Variants in SDHAF3 observed in about 807,000 individuals in gnomAD.
SDHAF3 encodes succinate dehydrogenase assembly factor 3, mitochondrial.
A neutral mutation model predicts 11.5 loss-of-function variants in SDHAF3; 18 were observed. The observed-to-expected ratio is 1.56, with a 90% CI of 1.08 to 2.32. The LOEUF is 2.32. Ranked by LOEUF, SDHAF3 falls within the 30% of genes most tolerant of loss-of-function variation. SDHAF3 has a pLI of 0.00. For synonymous variants in SDHAF3, 72 were observed against 59.3 expected, an observed-to-expected ratio of 1.21 and a Z score of -0.99; for missense variants, 200 against 154.4, an observed-to-expected ratio of 1.30 and a Z score of -1.57.
chr7:97,129,691 T>G (rs1791636430), intron 1 of SDHAF3, among the ~76,000 whole-genome samples: 1 of 152,136 alleles, frequency 6.6e-6, no homozygotes, highest in South Asian at 2.1e-4. Flanking sequence ...GCCAGAAATC[T>G]CTGGCCGGCA....
At chr7:97,135,330 G>C (rs1352955881) in intron 1 of SDHAF3, 1 of 152,044 alleles carries the variant, frequency 6.6e-6, no homozygotes, top group Non-Finnish European at 1.5e-5. Flanking sequence ...TGGACATTAG[G>C]ATCCTTCTTC....
chr7:97,123,258 T>C (rs758087479), intron 1 of SDHAF3, among the ~76,000 whole-genome samples: 38 of 152,186 alleles, frequency 2.5e-4, no homozygotes, highest in Non-Finnish European at 4.0e-4. Flanking sequence ...TGGTTTTCTG[T>C]TCCTGTATTA....
chr7:97,170,099 T>TG (rs547620870), intron 1 of SDHAF3, among the ~76,000 whole-genome samples: 2 of 96,506 alleles, frequency 2.1e-5, no homozygotes, highest in Non-Finnish European at 5.4e-5. Context: ...GGCTAGTTCG[T>TG]TTTTTTTTTT....
At chr7:97,142,674 G>T (rs1206881106) in intron 1 of SDHAF3, 3 of 151,938 alleles carry the variant, frequency 2.0e-5, no homozygotes, top group Non-Finnish European at 2.9e-5. Flanking sequence ...TTATTATAGG[G>T]TTTTAAGTGC....
intron 1 of SDHAF3, among the ~76,000 whole-genome samples, chr7:97,132,062 C>G (rs73708865): frequency 0.012 from 1,814 of 152,150 alleles, 37 homozygotes; most frequent in African/African-American, 0.041. Flanking sequence ...TCTTGATTAT[C>G]TGTAAAAATC....
In SDHAF3 at chr7:97,159,900, T is replaced by C. The variant is rs146169261; in HGVS notation, c.175-21112T>C. ...TGTTGCTTTTTGGAGGGTTAGACCA[T>C]TGGTGTTCTCTACTCCGCCATATTT... On this transcript the variant is annotated intron_variant, in intron 1 of 1. Transcript: ENST00000432641. 3.0e-4 allele frequency among the ~76,000 whole-genome samples: 45 copies of C among 152,346 alleles called. No individual in the cohort carries two copies. In the East Asian group the frequency reaches 8.7e-3, roughly 29 times the overall value.
intron 1 of SDHAF3, among the ~76,000 whole-genome samples, chr7:97,172,320 G>A (rs776589838): frequency 1.3e-5 from 2 of 152,054 alleles, no homozygotes; most frequent in Non-Finnish European, 2.9e-5. Context: ...GTGACCAATC[G>A]TTATACCTCT....
chr7:97,123,369 C>A (rs1791529400), intron 1 of SDHAF3, among the ~76,000 whole-genome samples: 1 of 152,092 alleles, frequency 6.6e-6, no homozygotes, highest in African/African-American at 2.4e-5. Flanking sequence ...TGTATATGTT[C>A]CACATTTTCG....
chr7:97,168,028 T>G (rs1294375132), intron 1 of SDHAF3, among the ~76,000 whole-genome samples: 1 of 152,150 alleles, frequency 6.6e-6, no homozygotes, highest in Non-Finnish European at 1.5e-5. Context: ...CCACCAGGAA[T>G]TCATGCTTTG....
chr7:97,131,624 T>C (rs1791672510), intron 1 of SDHAF3, among the ~76,000 whole-genome samples: 1 of 152,186 alleles, frequency 6.6e-6, no homozygotes, highest in African/African-American at 2.4e-5. Context: ...GATTATATTA[T>C]GAGGTGAGTT....
At chr7:97,126,590 A>T (rs1015767336) in intron 1 of SDHAF3, among the ~76,000 whole-genome samples, 11 of 152,104 alleles carry the variant, frequency 7.2e-5, no homozygotes, top group African/African-American at 2.7e-4. Flanking sequence ...CCCAGTCCTT[A>T]GTACTGTCAG....
intron 1 of SDHAF3, among the ~76,000 whole-genome samples, chr7:97,148,662 TG>T (rs759094193): frequency 6.6e-6 from 1 of 152,240 alleles, no homozygotes; most frequent in Non-Finnish European, 1.5e-5. Flanking sequence ...CTACTATCAC[TG>T]ATATAAAGCT....
At chr7:97,145,868 A>G (rs1447799967) in intron 1 of SDHAF3, among the ~76,000 whole-genome samples, 3 of 152,176 alleles carry the variant, frequency 2.0e-5, no homozygotes, top group Non-Finnish European at 4.4e-5. Flanking sequence ...AAACCCCAAC[A>G]GAGAGAGAAT....
intron 1 of SDHAF3, among the ~76,000 whole-genome samples, chr7:97,150,224 T>C (rs1789196870): frequency 6.6e-6 from 1 of 152,218 alleles, no homozygotes; most frequent in African/African-American, 2.4e-5. Context: ...ATCAGCTTCT[T>C]CCAAACTCCT....
intron 1 of SDHAF3, among the ~76,000 whole-genome samples, chr7:97,142,040 G>GTTTTTTTTT (rs1474413744): frequency 8.0e-5 from 7 of 87,910 alleles, no homozygotes; most frequent in East Asian, 5.3e-4. Context: ...GTGAATTGTT[G>GTTTTTTTTT]TCTTTTTTTT....
At chr7:97,177,761 A>T (rs950398701) in intron 1 of SDHAF3, among the ~76,000 whole-genome samples, 4 of 152,180 alleles carry the variant, frequency 2.6e-5, no homozygotes, top group Non-Finnish European at 4.4e-5. Flanking sequence ...TTTGAGTTCT[A>T]GAATTTATTT....
Position 97,149,405 on chromosome 7 carries a change from C to A in SDHAF3, c.174+31508C>A, listed in dbSNP as rs543696811. Among the ~76,000 whole-genome samples, 5 of 152,022 alleles carry A rather than the reference C, an allele frequency of 3.3e-5. No homozygotes were observed. In the South Asian group the frequency reaches 1.0e-3, roughly 32 times the overall value. ...GAAGGGTTAGTTGCAAAATAAAAAG[C>A]ATTGCCAAACAATACATAGTTGCAG... On this transcript the variant is annotated intron_variant, in intron 1 of 1. Coordinates refer to ENST00000432641, the MANE Select transcript of SDHAF3 (RefSeq NM_020186.3).
intron 1 of SDHAF3, among the ~76,000 whole-genome samples, chr7:97,129,646 T>C (rs1415849258): frequency 6.6e-6 from 1 of 152,168 alleles, no homozygotes; most frequent in African/African-American, 2.4e-5. Flanking sequence ...ACTTGTTTGA[T>C]ACTGATGCAG....
chr7:97,160,524 A>C lies in SDHAF3; in HGVS notation c.175-20488A>C, dbSNP rs1165903524. On this transcript the variant is annotated intron_variant, in intron 1 of 1. Coordinates refer to ENST00000432641, the MANE Select transcript of SDHAF3 (RefSeq NM_020186.3). ...TTACTGTGTCTATGTAGAAAGAAGTAGACATAGGAGACTCCATTTTGTTCT... is the reference window on the plus strand; with the variant it reads ...TTACTGTGTCTATGTAGAAAGAAGTCGACATAGGAGACTCCATTTTGTTCT... Among the ~76,000 whole-genome samples, 4 of 152,330 alleles carry C rather than the reference A, an allele frequency of 2.6e-5. 1 individual carries two copies. Among genetic ancestry groups the C allele is most frequent in the Admixed American group, 6.5e-5 (1 of 15,300 alleles).
Sources: allele counts gnomAD v4.1 joint callset (sites outside exome capture counted in the v4.1 genomes callset), GRCh38; gene constraint gnomAD v4.1.1; transcripts MANE v1.5; gene names NCBI Gene and HGNC (gene_info 2026-07-23, HGNC 2026-07-21).